The following ELN variants were observed in gnomAD, a reference collection of about 807,000 sequenced individuals.
ELN encodes elastin, also known as tropoelastin.
A neutral mutation model predicts 105.8 loss-of-function variants in ELN; 65 were observed. The ratio of observed to expected loss-of-function variants is 0.61; its 90% confidence interval spans 0.50 to 0.75. The LOEUF (loss-of-function observed/expected upper bound fraction) is 0.75. ELN is among the 30% of genes least tolerant of loss of function. The pLI, the probability that ELN is intolerant of heterozygous loss-of-function variation, is 0.00. For synonymous variants in ELN, 368 were observed against 389.2 expected (o/e 0.95, Z 0.64); for missense variants, 882 against 969.4 (o/e 0.91, Z 1.20).
At chr7:74,054,841 C>G in intron 19 of ELN, 72 bp downstream of exon 19, 1 of 1,550,732 alleles carries the variant, frequency 6.4e-7, no homozygotes, top group Non-Finnish European at 8.9e-7. Context: ...GGACCCTCCT[C>G]TACTTGCCCA....
At chr7:74,040,040 G>A (rs958491751) in intron 4 of ELN, among the ~76,000 whole-genome samples, 2 of 152,162 alleles carry the variant, frequency 1.3e-5, no homozygotes, top group Non-Finnish European at 2.9e-5. Flanking sequence ...TGAGTGCAAA[G>A]GAAGGAGGGC....
rs1227130986 is a variant in ELN at position 74,028,288 on chromosome 7, T to C, written c.82+19T>C. The C allele has an allele frequency of 2.5e-6, 4 of 1,600,366 alleles. No individual in the cohort carries two copies. The highest frequency in any genetic ancestry group is 3.4e-6 in the Non-Finnish European group (4 of 1,177,254). ...CCTGGAGGTAAGGACCCCTCGCCCC[T>C]GTCCCCAGCGCTGCCCACAGCTGCG... On this transcript the variant is annotated intron_variant, in intron 1 of 32. Coordinates refer to ENST00000252034, the MANE Select transcript of ELN (RefSeq NM_000501.4).
intron 1 of ELN, among the ~76,000 whole-genome samples, chr7:74,031,807 G>C (rs1788717018): frequency 6.6e-6 from 1 of 150,400 alleles, no homozygotes; most frequent in Non-Finnish European, 1.5e-5. Context: ...AAGAGAGAGA[G>C]AGAGAGAGAA....
In ELN at chr7:74,063,338, A is replaced by T. The variant is rs547059385; in HGVS notation, c.1887A>T (p.Ala629=). 6.4e-7 allele frequency: 1 copy of T among 1,550,498 alleles called. No individual in the cohort carries two copies. Among genetic ancestry groups the T allele is most frequent in the Admixed American group, 2.0e-5 (1 of 51,024 alleles). ...CCGGACCCGCCGCCGCCGCTGCCGC[A>T]GCCAAAGCTGCTGCCAAAGCCGCCC... ...VGAGPAAAAA[A]AKAAAKAAQF... The change falls in exon 28 of 33, where the codon GCA becomes GCT. Residue 629 remains alanine (A), a synonymous_variant. Transcript: ENST00000252034. This position sits in a 1 kb window ranked among gnomAD's most constrained non-coding sequence, Gnocchi z 4.1.
rs1554672579 is a variant in ELN at position 74,046,750 on chromosome 7, A to C, written c.626A>C (p.Lys209Thr). Residue 209 changes from lysine to threonine, a missense_variant, in exon 12 of 33, where the codon AAG becomes ACG. Lys to Thr is a moderately conservative substitution (Grantham distance 78). Transcript: ENST00000252034. ...GGAGTCCCACTGGGGTATCCCATCA[A>C]GGCCCCCAAGCTGCCTGGTAAGTCA... is the stretch of plus-strand genomic sequence containing the variant. The part of the protein sequence containing the change: ...QPGVPLGYPI[K>T]APKLPGGYGL... 1.2e-6 allele frequency: 2 copies of C among 1,614,114 alleles called. No homozygotes were observed.
At chr7:74,065,903 G>T (rs372846301) in intron 30 of ELN, 41 bp from the exon 31 acceptor site, 1 of 1,614,036 alleles carries the variant, frequency 6.2e-7, no homozygotes, top group Non-Finnish European at 8.5e-7. Context: ...GCCTCTTCCC[G>T]ATGGGGGTGT....
At chr7:74,036,961 C>T (rs1790101536) in intron 3 of ELN, among the ~76,000 whole-genome samples, 1 of 152,002 alleles carries the variant, frequency 6.6e-6, no homozygotes, top group Admixed American at 6.6e-5. Flanking sequence ...GCGAGGACTA[C>T]AGGCGCGTGC....
chr7:74,064,242 C>T (rs1554687447), intron 29 of ELN, among the ~76,000 whole-genome samples: 7 of 144,862 alleles, frequency 4.8e-5, no homozygotes, highest in Admixed American at 6.8e-5. Context: ...AGTGAAACCC[C>T]GTCTCTACTA....
intron 1 of ELN, among the ~76,000 whole-genome samples, chr7:74,033,810 C>T (rs1789259598): frequency 1.3e-5 from 2 of 152,370 alleles, no homozygotes; most frequent in Non-Finnish European, 2.9e-5. Context: ...CCATGCCCCA[C>T]GGGGCTCCCG....
At chr7:74,046,079 G>T in intron 10 of ELN, 109 bp from the exon 11 acceptor site, 1 of 1,454,520 alleles carries the variant, frequency 6.9e-7, no homozygotes, top group South Asian at 1.1e-5. Flanking sequence ...AGCATGCGAT[G>T]ACTGGTCTGG....
intron 29 of ELN, among the ~76,000 whole-genome samples, chr7:74,064,034 C>A (rs1204792514): frequency 6.6e-6 from 1 of 151,616 alleles, no homozygotes; most frequent in African/African-American, 2.4e-5. Flanking sequence ...GCCCAGGAGG[C>A]AGAGGCTGCA....
rs17855988 is a variant in ELN, at chr7:74,060,495, G to A, written c.1741G>A (p.Gly581Arg). The A allele has an allele frequency of 7.4e-6, 12 of 1,614,094 alleles. No homozygotes were observed. The African/African-American group carries it at 9.3e-5, about 13-fold the overall frequency. ...LGVGAGVPGFGAVPGALAAAK... is the reference protein window; with the variant it reads ...LGVGAGVPGFRAVPGALAAAK... The stretch of plus-strand genomic sequence containing the variant: ...AGTTGGTGCTGGTGTTCCTGGCTTC[G>A]GGGCAGGTGCAGATGAGGGAGTTAG... Residue 581 changes from glycine to arginine, a missense_variant, in exon 25 of 33, where the codon GGG becomes AGG. Coordinates refer to ENST00000252034, the MANE Select transcript of ELN (RefSeq NM_000501.4).
At position 74,059,995 on chromosome 7, in the gene ELN, T is replaced by TGTGGCTCCTGGCGTTGGC. The variant is rs1563853314; in HGVS notation, c.1533_1550dup (p.Val513_Gly518dup). On this transcript the variant is annotated inframe_insertion, in exon 23 of 33. Coordinates refer to ENST00000252034, the MANE Select transcript of ELN (RefSeq NM_000501.4). ...GAGTTGGCGTGGCTCCTGGAGTTGGTGTGGCTCCTGGCGTTGGCGTGGCTC... is the reference window on the plus strand; with the variant it reads ...GAGTTGGCGTGGCTCCTGGAGTTGGTGTGGCTCCTGGCGTTGGCGTGGCTCCTGGCGTTGGCGTGGCTC... The TGTGGCTCCTGGCGTTGGC allele has an allele frequency of 2.5e-6, 4 of 1,613,194 alleles. No homozygotes were observed. In the African/African-American group the frequency reaches 4.0e-5, roughly 16 times the overall value.
intron 21 of ELN, 44 bp from the exon 22 acceptor site, chr7:74,057,596 G>C: frequency 6.2e-7 from 1 of 1,610,926 alleles, no homozygotes. Flanking sequence ...AGCAGGGAGG[G>C]GTGTGAGAGA....
Position 74,068,967 on chromosome 7 carries a change from C to G in ELN, c.*267C>G. On this transcript the variant is annotated 3_prime_UTR_variant, in exon 33 of 33. Coordinates refer to ENST00000252034, the MANE Select transcript of ELN (RefSeq NM_000501.4). Reference sequence around the variant, plus strand: ...ATCCCTTCCCACCTAGGAGCTCCCCCTCCACACAGCCTCCATCTCCAGGGG... The same window carrying G: ...ATCCCTTCCCACCTAGGAGCTCCCCGTCCACACAGCCTCCATCTCCAGGGG... The G allele has an allele frequency of 1.8e-6, 1 of 542,716 alleles. No homozygotes were observed. Among genetic ancestry groups the G allele is most frequent in the South Asian group, 2.0e-5 (1 of 49,268 alleles). The allele number at this position is 542,716 out of a possible 1,614,324, so 33.6% of individuals were successfully genotyped here.
intron 4 of ELN, among the ~76,000 whole-genome samples, chr7:74,038,491 C>T (rs557593570): frequency 6.6e-6 from 1 of 152,358 alleles, no homozygotes; most frequent in South Asian, 2.1e-4. Context: ...TCTATCCTGG[C>T]CTCGCCCAAG....
chr7:74,033,030 C>A (rs905688857), intron 1 of ELN, among the ~76,000 whole-genome samples: 5 of 152,232 alleles, frequency 3.3e-5, no homozygotes, highest in African/African-American at 9.6e-5. Context: ...GAGGACATAG[C>A]CTATTACTTG....
At chr7:74,060,076 G>A (rs1796276956) in intron 23 of ELN, 29 bp downstream of exon 23, 1 of 1,614,110 alleles carries the variant, frequency 6.2e-7, no homozygotes, top group Non-Finnish European at 8.5e-7. Flanking sequence ...TGAGCCTGAG[G>A]GGCCCCCGAA....
chr7:74,062,579 C>G (rs1285082353), intron 26 of ELN, among the ~76,000 whole-genome samples: 1 of 152,148 alleles, frequency 6.6e-6, no homozygotes. Context: ...TTGACAGAGT[C>G]TTGCTCTGTC....
Sources: gnomAD v4.1 joint callset for allele counts (sites outside exome capture counted in the v4.1 genomes callset) on GRCh38, gnomAD v4.1.1 for gene constraint, Gnocchi (gnomAD v3.1) non-coding constraint, MANE v1.5 for transcripts, NCBI Gene and HGNC (gene_info 2026-07-23, HGNC 2026-07-21) for gene names.